The following REDIC1 variants were observed in gnomAD, a reference collection of about 807,000 sequenced individuals.
REDIC1 encodes the protein HEI10 Interacting Protein 1.
At chr12:39,806,693 A>G in the REDIC1 span, among the ~76,000 whole-genome samples, 1 of 152,232 alleles carries the variant, frequency 6.6e-6, no homozygotes, top group Non-Finnish European at 1.5e-5. Context: ...GAAAGTTAAT[A>G]TCTTATTATT....
the REDIC1 span, among the ~76,000 whole-genome samples, chr12:39,675,328 T>TC: frequency 6.6e-6 from 1 of 152,080 alleles, no homozygotes; most frequent in East Asian, 1.9e-4. Flanking sequence ...ATTTTTTTTT[T>TC]CCCACTTTGG....
chr12:39,807,537 T>A, the REDIC1 span, among the ~76,000 whole-genome samples: 1 of 152,190 alleles, frequency 6.6e-6, no homozygotes, highest in African/African-American at 2.4e-5. Context: ...GAAAAACAAG[T>A]AAAGGGTGGC....
At chr12:39,854,140 G>A in the REDIC1 span, among the ~76,000 whole-genome samples, 339 of 152,008 alleles carry the variant, frequency 2.2e-3, 1 homozygote, top group African/African-American at 7.3e-3. Flanking sequence ...ACTAAGGGAG[G>A]CAGGTGGACA....
the REDIC1 span, among the ~76,000 whole-genome samples, chr12:39,664,850 GTC>G: frequency 1.3e-5 from 2 of 152,134 alleles, no homozygotes; most frequent in Non-Finnish European, 2.9e-5. Flanking sequence ...TTTTTCATGT[GTC>G]TGTTGGCTGC....
the REDIC1 span, among the ~76,000 whole-genome samples, chr12:39,892,013 C>A: frequency 6.6e-6 from 1 of 152,118 alleles, no homozygotes; most frequent in Non-Finnish European, 1.5e-5. Flanking sequence ...TTAATTCATA[C>A]ATTAATTCTA....
the REDIC1 span, among the ~76,000 whole-genome samples, chr12:39,653,527 C>CTTT: frequency 1.5e-3 from 82 of 54,618 alleles, 1 homozygote; most frequent in Non-Finnish European, 2.0e-3. Context: ...TCTTCTTCTT[C>CTTT]TTCTTCTTCT....
the REDIC1 span, among the ~76,000 whole-genome samples, chr12:39,706,046 A>G: frequency 6.6e-6 from 1 of 152,226 alleles, no homozygotes; most frequent in East Asian, 1.9e-4. Context: ...TTTGCCAATG[A>G]TGTGGTCTTA....
At chr12:39,648,821 G>A in the REDIC1 span, among the ~76,000 whole-genome samples, 6 of 150,820 alleles carry the variant, frequency 4.0e-5, no homozygotes, top group Non-Finnish European at 5.9e-5. Context: ...TAGCATATCA[G>A]TTATATATAT....
the REDIC1 span, among the ~76,000 whole-genome samples, chr12:39,652,710 T>C: frequency 6.6e-6 from 1 of 152,144 alleles, no homozygotes; most frequent in Non-Finnish European, 1.5e-5. Flanking sequence ...AGATCTTACA[T>C]GTAGGTCTAT....
chr12:39,876,784 A>C, the REDIC1 span, among the ~76,000 whole-genome samples: 2 of 152,168 alleles, frequency 1.3e-5, no homozygotes, highest in Non-Finnish European at 2.9e-5. Context: ...TTAATTTCAT[A>C]AATAAAAGGG....
the REDIC1 span, among the ~76,000 whole-genome samples, chr12:39,701,145 T>A: frequency 3.3e-5 from 5 of 152,012 alleles, no homozygotes; most frequent in African/African-American, 1.2e-4. Context: ...GATTGGCAAA[T>A]TGGATAAAGA....
the REDIC1 span, among the ~76,000 whole-genome samples, chr12:39,737,547 G>A: frequency 6.6e-6 from 1 of 152,186 alleles, no homozygotes; most frequent in Non-Finnish European, 1.5e-5. Flanking sequence ...AGACACCAAA[G>A]TAACCTTATA....
chr12:39,711,068 C>A, the REDIC1 span, among the ~76,000 whole-genome samples: 2 of 151,398 alleles, frequency 1.3e-5, no homozygotes, highest in African/African-American at 4.8e-5. Flanking sequence ...CCCAAGTTCC[C>A]AAAGTCCATT....
the REDIC1 span, among the ~76,000 whole-genome samples, chr12:39,828,055 C>T: frequency 1.3e-5 from 2 of 152,114 alleles, no homozygotes; most frequent in South Asian, 4.2e-4. Context: ...TCAACCAAAC[C>T]ACCAATCAAC....
chr12:39,667,241 T>C, the REDIC1 span, among the ~76,000 whole-genome samples: 1 of 152,228 alleles, frequency 6.6e-6, no homozygotes, highest in Non-Finnish European at 1.5e-5. Flanking sequence ...GCTTTGAATG[T>C]GTCCCAGAGA....
the REDIC1 span, among the ~76,000 whole-genome samples, chr12:39,842,806 A>G: frequency 6.6e-6 from 1 of 151,914 alleles, no homozygotes; most frequent in African/African-American, 2.4e-5. Context: ...GCAACCACGA[A>G]TCTACTCTTT....
At chr12:39,811,056 G>A in the REDIC1 span, among the ~76,000 whole-genome samples, 3 of 151,884 alleles carry the variant, frequency 2.0e-5, no homozygotes, top group Non-Finnish European at 4.4e-5. Flanking sequence ...TTTCTTTGTG[G>A]GGAGATTTTT....
the REDIC1 span, among the ~76,000 whole-genome samples, chr12:39,900,273 A>C: frequency 1.3e-5 from 2 of 152,256 alleles, no homozygotes; most frequent in Admixed American, 6.5e-5. Flanking sequence ...CCCTTTGAAA[A>C]CTGGCACAAG....
the REDIC1 span, among the ~76,000 whole-genome samples, chr12:39,715,330 A>G: frequency 6.6e-6 from 1 of 151,838 alleles, no homozygotes; most frequent in South Asian, 2.1e-4. Flanking sequence ...TCTTTTCCCC[A>G]CTTTATGTTT....
Sources: gnomAD v4.1 joint callset for allele counts (sites outside exome capture counted in the v4.1 genomes callset) on GRCh38, gnomAD v4.1.1 for gene constraint, MANE v1.5 for transcripts, NCBI Gene and HGNC (gene_info 2026-07-23, HGNC 2026-07-21) for gene names.